Variants in STK24 observed in about 807,000 individuals in gnomAD.
The protein encoded by STK24 is serine/threonine kinase 24, also known as serine/threonine-protein kinase 24.
STK24 carries 21 observed loss-of-function variants against 55.6 expected under a neutral mutation model. That is an observed-to-expected ratio of 0.38 (90% CI 0.27 to 0.54). STK24 has a LOEUF of 0.54. Among genes scored for constraint, STK24 ranks in the 20% least tolerant of loss-of-function variants. The pLI is 0.79. For missense variants in STK24, 383 were observed against 538.4 expected (o/e 0.71, Z 2.86); for synonymous variants, 200 against 215.2 (o/e 0.93, Z 0.62).
chr13:98,504,001 C>T (rs1172389001), intron 2 of STK24, among the ~76,000 whole-genome samples: 1 of 152,182 alleles, frequency 6.6e-6, no homozygotes, highest in Non-Finnish European at 1.5e-5. Context: ...ATTACTGTCC[C>T]AGAGGGAGAT....
chr13:98,572,976 G>C (rs1897781196), intron 1 of STK24, among the ~76,000 whole-genome samples: 1 of 152,130 alleles, frequency 6.6e-6, no homozygotes, highest in African/African-American at 2.4e-5. Context: ...GAGCATCCCT[G>C]ATCCAAAATG....
intron 2 of STK24, chr13:98,508,882 G>A (rs986185502): frequency 2.0e-5 from 3 of 149,000 alleles, no homozygotes; most frequent in Non-Finnish European, 1.5e-5. Context: ...CAATTTCAAA[G>A]CTGTTTCATC....
chr13:98,473,049 A>G (rs1280884686), intron 5 of STK24, among the ~76,000 whole-genome samples: 1 of 151,528 alleles, frequency 6.6e-6, no homozygotes, highest in African/African-American at 2.4e-5. Flanking sequence ...ACTACAACAC[A>G]GCACGCTTGC....
chr13:98,510,954 T>G (rs1594625655), intron 2 of STK24, among the ~76,000 whole-genome samples: 1 of 152,354 alleles, frequency 6.6e-6, no homozygotes, highest in East Asian at 1.9e-4. Context: ...AACCAGGCAT[T>G]TAGCTGGTAA....
At position 98,576,686 on chromosome 13, in the gene STK24, C is replaced by T. The variant is rs527591100; in HGVS notation, c.42+59G>A. On this transcript the variant is annotated intron_variant, in intron 1 of 10. Coordinates refer to ENST00000539966, the MANE Select transcript of STK24 (RefSeq NM_001032296.4). ...GTAGGGGGACGCCGTGTGGATACCG[C>T]CAAGTTGCTGCTTCCGCCCCGGTCG... is the stretch of plus-strand genomic sequence containing the variant. 2,211 of 1,402,860 alleles carry T rather than the reference C, an allele frequency of 1.6e-3. 39 individuals carry two copies. The South Asian group carries it at 0.018, about 12-fold the overall frequency. 86.9% of individuals were successfully genotyped at this position (1,402,860 alleles called of 1,614,324 possible). A position where few individuals can be genotyped will look rare whatever the true frequency, so the allele number is the denominator to read the frequency against.
chr13:98,569,981 A>C (rs1209645517), intron 1 of STK24, among the ~76,000 whole-genome samples: 1 of 151,724 alleles, frequency 6.6e-6, no homozygotes, highest in Non-Finnish European at 1.5e-5. Context: ...GGTTCAAAGA[A>C]TTCTCCTGCC....
At chr13:98,475,468 A>C in intron 3 of STK24, 110 bp from the exon 4 acceptor site, 4 of 719,636 alleles carry the variant, frequency 5.6e-6, no homozygotes, top group Non-Finnish European at 8.9e-6. Flanking sequence ...TTAAAACCTG[A>C]AATCTTCTTC....
chr13:98,494,271 G>A (rs183849432), intron 2 of STK24, among the ~76,000 whole-genome samples: 6,107 of 148,728 alleles, frequency 0.041, 176 homozygotes, highest in Middle Eastern at 0.071. Flanking sequence ...TTAGCCGGGC[G>A]TAGTGGCGGG....
At chr13:98,505,977 ATC>A (rs748379234) in intron 2 of STK24, among the ~76,000 whole-genome samples, 49 of 152,232 alleles carry the variant, frequency 3.2e-4, no homozygotes, top group Admixed American at 2.0e-3. Flanking sequence ...AGTTTTCTGT[ATC>A]TCTGTTTTAA....
intron 1 of STK24, among the ~76,000 whole-genome samples, chr13:98,551,242 T>C (rs1235589148): frequency 6.6e-6 from 1 of 150,936 alleles, no homozygotes; most frequent in East Asian, 1.9e-4. Flanking sequence ...GCCGAGATCT[T>C]GCCACTGCAC....
At chr13:98,537,152 A>C (rs1594650986) in intron 1 of STK24, among the ~76,000 whole-genome samples, 1 of 152,316 alleles carries the variant, frequency 6.6e-6, no homozygotes, top group African/African-American at 2.4e-5. Flanking sequence ...GACCCCCTCA[A>C]GACCTACCTC....
intron 8 of STK24, 38 bp downstream of exon 8, chr13:98,461,736 T>A (rs1195558838): frequency 1.2e-6 from 2 of 1,605,188 alleles, no homozygotes; most frequent in South Asian, 1.1e-5. Context: ...CACTGCAGAC[T>A]GAGGTCAGCG....
chr13:98,538,117 T>C (rs1008817358), intron 1 of STK24, among the ~76,000 whole-genome samples: 2 of 151,786 alleles, frequency 1.3e-5, no homozygotes, highest in African/African-American at 4.8e-5. Flanking sequence ...CAACAAATCC[T>C]CATCACTTCC....
rs138021686 is a variant in STK24, at chr13:98,486,844, G to A, written c.274-4523C>T. 1.4e-4 allele frequency among the ~76,000 whole-genome samples: 21 copies of A among 152,312 alleles called. No individual in the cohort carries two copies. The South Asian group carries it at 1.9e-3, about 14-fold the overall frequency. On this transcript the variant is annotated intron_variant, in intron 2 of 10. Coordinates refer to ENST00000539966, the MANE Select transcript of STK24 (RefSeq NM_001032296.4). ...GCAGGAAGACCAGCTCTTACCAGGAGACATCAGGCAAGTCATTTAAACCCT... is the reference window on the plus strand; with the variant it reads ...GCAGGAAGACCAGCTCTTACCAGGAAACATCAGGCAAGTCATTTAAACCCT...
At chr13:98,495,122 C>G (rs143735325) in intron 2 of STK24, among the ~76,000 whole-genome samples, 1 of 152,366 alleles carries the variant, frequency 6.6e-6, no homozygotes, top group African/African-American at 2.4e-5. Flanking sequence ...AAGAAAGGGG[C>G]CTGGTTCCCG....
chr13:98,459,561 C>A (rs535701532), intron 9 of STK24, among the ~76,000 whole-genome samples: 2 of 152,232 alleles, frequency 1.3e-5, no homozygotes, highest in Non-Finnish European at 2.9e-5. Context: ...TCCCCCGCTG[C>A]GTGACGCAGG....
intron 1 of STK24, among the ~76,000 whole-genome samples, chr13:98,575,749 A>G (rs1594682863): frequency 6.6e-6 from 1 of 152,148 alleles, no homozygotes; most frequent in East Asian, 1.9e-4. Flanking sequence ...CTGGCAGAGC[A>G]AACTTTCATG....
intron 1 of STK24, among the ~76,000 whole-genome samples, chr13:98,530,988 A>C (rs1228662001): frequency 6.6e-6 from 1 of 152,206 alleles, no homozygotes; most frequent in Non-Finnish European, 1.5e-5. Flanking sequence ...GTATGGCTGA[A>C]CTTTAGGCCA....
At chr13:98,463,544 G>T in intron 7 of STK24, 147 bp downstream of exon 7, 1 of 948,364 alleles carries the variant, frequency 1.1e-6, no homozygotes, top group Non-Finnish European at 1.5e-6. Flanking sequence ...ACAGGCCCAG[G>T]CTGTGTCTAA....
Sources: allele counts gnomAD v4.1 joint callset (sites outside exome capture counted in the v4.1 genomes callset), GRCh38; gene constraint gnomAD v4.1.1; transcripts MANE v1.5; gene names NCBI Gene and HGNC (gene_info 2026-07-23, HGNC 2026-07-21).